Variants in TRPC3 observed in about 807,000 individuals in gnomAD.
The protein encoded by TRPC3 is short transient receptor potential channel 3.
In TRPC3, 54 loss-of-function variants were observed where a neutral mutation model predicts 90.9. The ratio of observed to expected loss-of-function variants is 0.59; its 90% CI spans 0.48 to 0.75. The LOEUF (loss-of-function observed/expected upper bound fraction) is 0.75, where lower values mean the gene tolerates loss of function less well. Among genes scored for constraint, TRPC3 ranks in the 30% least tolerant of loss-of-function variants. TRPC3 has a pLI of 0.00. For missense variants in TRPC3, 918 were observed against 1,194.5 expected, an observed-to-expected ratio of 0.77 and a Z score of 3.41; for synonymous variants, 424 against 450.9, an observed-to-expected ratio of 0.94 and a Z score of 0.75.
intron 10 of TRPC3, among the ~76,000 whole-genome samples, chr4:121,883,841 G>T (rs1728021845): frequency 6.6e-6 from 1 of 152,082 alleles, no homozygotes; most frequent in African/African-American, 2.4e-5. Flanking sequence ...CAAGCAGCTG[G>T]AGCTATAGAC....
intron 10 of TRPC3, among the ~76,000 whole-genome samples, chr4:121,885,273 G>C (rs1014933611): frequency 1.3e-5 from 2 of 152,124 alleles, no homozygotes; most frequent in African/African-American, 4.8e-5. Flanking sequence ...ATTCTATTAG[G>C]AAGCTTGTCT....
intron 10 of TRPC3, among the ~76,000 whole-genome samples, chr4:121,894,756 G>T (rs1728460940): frequency 6.6e-6 from 1 of 151,666 alleles, no homozygotes; most frequent in South Asian, 2.1e-4. Flanking sequence ...CAGAGACAAG[G>T]TCTCACCATG....
chr4:121,921,786 G>A (rs1729522182), intron 3 of TRPC3, among the ~76,000 whole-genome samples: 1 of 152,074 alleles, frequency 6.6e-6, no homozygotes, highest in African/African-American at 2.4e-5. Flanking sequence ...GTTTTGCTTG[G>A]AGACTAGAAA....
intron 9 of TRPC3, among the ~76,000 whole-genome samples, chr4:121,902,601 T>C (rs767131075): frequency 5.9e-5 from 9 of 152,172 alleles, no homozygotes; most frequent in Non-Finnish European, 1.2e-4. Context: ...TTTTAACAAG[T>C]TAAAGGCTTT....
chr4:121,934,936 T>A (rs1477908851), intron 1 of TRPC3, among the ~76,000 whole-genome samples: 5 of 152,212 alleles, frequency 3.3e-5, no homozygotes, highest in African/African-American at 1.2e-4. Context: ...CCAATTCTAA[T>A]GGCTCAACTA....
chr4:121,906,306 T>C (rs1438894591), intron 7 of TRPC3, among the ~76,000 whole-genome samples: 1 of 152,008 alleles, frequency 6.6e-6, no homozygotes, highest in Non-Finnish European at 1.5e-5. Context: ...AATGGTCACA[T>C]CCCTAGACAA....
intron 3 of TRPC3, among the ~76,000 whole-genome samples, chr4:121,923,624 A>T (rs888128042): frequency 9.8e-5 from 15 of 152,354 alleles, no homozygotes; most frequent in East Asian, 9.6e-4. Context: ...ATCTCATGCA[A>T]TCCTTAAACA....
rs201449154 is a variant in TRPC3, at chr4:121,902,931, C to G, written c.2384G>C (p.Arg795Pro). Residue 795 changes from arginine (R) to proline (P), a missense_variant, in exon 9 of 12, where the codon CGA (arginine) becomes CCA (proline). Physicochemically the swap from Arg to Pro is moderately radical, Grantham distance 103. This residue lies in a region of TRPC3 where 121 missense variants were observed against 135.7 expected (regional missense o/e 0.89). Transcript: ENST00000379645. Reference protein sequence around the residue: ...SPKSFVYFIMRIVNFPKCRRR... With the variant: ...SPKSFVYFIMPIVNFPKCRRR... ...TCTGCATTTGGGAAAGTTAACAATT[C>G]GCATGATGAAATAAACAAATGATTT... The G allele has an allele frequency of 6.8e-6, 11 of 1,613,312 alleles. No individual in the cohort carries two copies. Among genetic ancestry groups the G allele is most frequent in the African/African-American group, 2.7e-5 (2 of 74,850 alleles).
At chr4:121,919,130 A>T (rs967320158) in intron 3 of TRPC3, among the ~76,000 whole-genome samples, 1 of 152,252 alleles carries the variant, frequency 6.6e-6, no homozygotes, top group African/African-American at 2.4e-5. Flanking sequence ...ATCAGCATTG[A>T]GAACAACTGA....
chr4:121,914,348 T>C (rs1729221756), intron 4 of TRPC3, among the ~76,000 whole-genome samples: 1 of 152,262 alleles, frequency 6.6e-6, no homozygotes, highest in Admixed American at 6.5e-5. Flanking sequence ...GGATTTCTTC[T>C]GACAGGTCCA....
intron 4 of TRPC3, 40 bp downstream of exon 4, chr4:121,914,740 G>A: frequency 1.3e-6 from 2 of 1,540,554 alleles, no homozygotes; most frequent in Non-Finnish European, 1.8e-6. Context: ...AAGAGACACA[G>A]TACACCACCA....
At chr4:121,941,651 A>C (rs1251631025) in intron 1 of TRPC3, among the ~76,000 whole-genome samples, 1 of 152,124 alleles carries the variant, frequency 6.6e-6, no homozygotes, top group Non-Finnish European at 1.5e-5. Context: ...AAAAAATAGA[A>C]AAATCCCATA....
chr4:121,941,664 C>T (rs1194751605), intron 1 of TRPC3, among the ~76,000 whole-genome samples: 1 of 152,206 alleles, frequency 6.6e-6, no homozygotes, highest in Non-Finnish European at 1.5e-5. Context: ...ATCCCATAAT[C>T]TCCCTGGCAA....
chr4:121,930,847 A>G lies in TRPC3; in HGVS notation c.987+1424T>C, dbSNP rs1473585500. 9.9e-6 allele frequency: 4 copies of G among 402,144 alleles called. No individual in the cohort carries two copies. In the East Asian group the frequency reaches 2.3e-4, roughly 23 times the overall value. 24.9% of individuals were successfully genotyped at this position (402,144 alleles called of 1,614,324 possible). A position where few individuals can be genotyped will look rare whatever the true frequency, so the allele number is the denominator to read the frequency against. On this transcript the variant is annotated intron_variant, in intron 2 of 11. Transcript: ENST00000379645. ...CTGAGATCTAAAAAAAAAAAAAAAA[A>G]AAAAAACATTTTGGGTCCAAGTAAA...
intron 6 of TRPC3, among the ~76,000 whole-genome samples, chr4:121,908,489 A>G (rs1728965665): frequency 6.6e-6 from 1 of 152,154 alleles, no homozygotes; most frequent in Non-Finnish European, 1.5e-5. Flanking sequence ...GTGCTCATCA[A>G]CAGTGGACTG....
intron 1 of TRPC3, among the ~76,000 whole-genome samples, chr4:121,937,591 T>G (rs1031576147): frequency 6.6e-6 from 1 of 152,226 alleles, no homozygotes; most frequent in Non-Finnish European, 1.5e-5. Context: ...AAAAGGTTAT[T>G]GTATCTTTTC....
chr4:121,901,795 T>A (rs1380411923), intron 9 of TRPC3, among the ~76,000 whole-genome samples: 2 of 152,206 alleles, frequency 1.3e-5, no homozygotes, highest in Admixed American at 1.3e-4. Flanking sequence ...CCAGGTCTAA[T>A]GTCGAAGCTC....
chr4:121,938,121 C>T (rs1351797643), intron 1 of TRPC3, among the ~76,000 whole-genome samples: 1 of 151,904 alleles, frequency 6.6e-6, no homozygotes, highest in African/African-American at 2.4e-5. Flanking sequence ...TTATCATTAT[C>T]CACAGAGTTC....
intron 1 of TRPC3, among the ~76,000 whole-genome samples, chr4:121,946,552 A>G (rs1730495102): frequency 6.6e-6 from 1 of 152,250 alleles, no homozygotes. Context: ...GATATTAACC[A>G]GAAATTGTGA....
Sources: allele counts gnomAD v4.1 joint callset (sites outside exome capture counted in the v4.1 genomes callset), GRCh38; gene constraint gnomAD v4.1.1; regional missense constraint gnomAD v4.1.1; transcripts MANE v1.5; gene names NCBI Gene and HGNC (gene_info 2026-07-23, HGNC 2026-07-21).